DPP10: variants seen among roughly 807,000 people sequenced by gnomAD.
DPP10 encodes dipeptidyl peptidase like 10, also known as inactive dipeptidyl peptidase 10.
DPP10 carries 33 observed loss-of-function variants against 120.9 expected under a neutral mutation model. The ratio of observed to expected loss-of-function variants is 0.27; its 90% CI spans 0.21 to 0.37. The LOEUF (loss-of-function observed/expected upper bound fraction) is 0.37, where lower values mean the gene tolerates loss of function less well. DPP10 is among the 10% of genes least tolerant of loss of function. The pLI, the probability that DPP10 is intolerant of heterozygous loss-of-function variation, is 1.00. For missense variants in DPP10, 816 were observed against 942.8 expected, an observed-to-expected ratio of 0.87 and a Z score of 1.76; for synonymous variants, 337 against 326.1, an observed-to-expected ratio of 1.03 and a Z score of -0.36.
chr2:115,232,334 A>C (rs975500645), intron 1 of DPP10, among the ~76,000 whole-genome samples: 49 of 152,198 alleles, frequency 3.2e-4, no homozygotes, highest in African/African-American at 1.1e-3. Flanking sequence ...GAAAAAAAAA[A>C]AGGTTTTTAG....
intron 5 of DPP10, among the ~76,000 whole-genome samples, chr2:115,649,028 T>C (rs989082623): frequency 5.3e-5 from 8 of 152,038 alleles, no homozygotes; most frequent in African/African-American, 1.9e-4. Flanking sequence ...ACTTTCATTA[T>C]CCTCTTTAAA....
At chr2:115,686,084 C>T (rs2090971979) in intron 5 of DPP10, among the ~76,000 whole-genome samples, 1 of 151,972 alleles carries the variant, frequency 6.6e-6, no homozygotes, top group African/African-American at 2.4e-5. Flanking sequence ...CTGTGCCTTC[C>T]TGTTTCAGCT....
intron 1 of DPP10, among the ~76,000 whole-genome samples, chr2:114,545,212 T>A (rs1687294902): frequency 6.6e-6 from 1 of 151,762 alleles, no homozygotes; most frequent in African/African-American, 2.4e-5. Flanking sequence ...ATTAAATCAT[T>A]AAATAATTGA....
intron 1 of DPP10, among the ~76,000 whole-genome samples, chr2:115,170,043 A>T (rs1212887621): frequency 6.6e-6 from 1 of 152,172 alleles, no homozygotes; most frequent in African/African-American, 2.4e-5. Context: ...CTGCCCTGTG[A>T]TTTATTTTCA....
At chr2:115,799,863 A>G (rs1473205107) in intron 19 of DPP10, among the ~76,000 whole-genome samples, 1 of 151,654 alleles carries the variant, frequency 6.6e-6, no homozygotes, top group Admixed American at 6.6e-5. Flanking sequence ...GTTCCAAGTC[A>G]TTGCTATTGT....
At chr2:115,784,629 G>T (rs980160918) in intron 17 of DPP10, among the ~76,000 whole-genome samples, 2 of 152,068 alleles carry the variant, frequency 1.3e-5, no homozygotes, top group Non-Finnish European at 2.9e-5. Flanking sequence ...CACCTCCCAG[G>T]TTCAAGCAAT....
At chr2:114,942,387 A>G (rs1697019615) in intron 1 of DPP10, among the ~76,000 whole-genome samples, 1 of 82,752 alleles carries the variant, frequency 1.2e-5, no homozygotes, top group Admixed American at 1.3e-4. Flanking sequence ...ACATATATAT[A>G]TATACACACA....
intron 1 of DPP10, among the ~76,000 whole-genome samples, chr2:114,759,329 A>G (rs1680072949): frequency 6.6e-6 from 1 of 152,220 alleles, no homozygotes; most frequent in Non-Finnish European, 1.5e-5. Flanking sequence ...TGGCATTTGT[A>G]TCAGTTGGCA....
In DPP10 at chr2:115,575,076, C is replaced by T. The variant is rs187922520; in HGVS notation, c.441+49104C>T. On this transcript the variant is annotated intron_variant, in intron 5 of 25. Coordinates refer to ENST00000410059, the MANE Select transcript of DPP10 (RefSeq NM_020868.6). ...TCAACATTACCTTCCTGTGATTGAC[C>T]ATACATTTAGAAGAATCCTTCAGTT... 1.0e-3 allele frequency among the ~76,000 whole-genome samples: 153 copies of T among 152,216 alleles called. No homozygotes were observed. The Middle Eastern group carries it at 0.01, about 10-fold the overall frequency.
At chr2:114,988,973 A>G (rs1216618088) in intron 1 of DPP10, among the ~76,000 whole-genome samples, 2 of 152,186 alleles carry the variant, frequency 1.3e-5, no homozygotes, top group Middle Eastern at 3.2e-3. Flanking sequence ...GGGGAAATAC[A>G]ATGAAAACAC....
intron 4 of DPP10, among the ~76,000 whole-genome samples, chr2:115,511,218 G>A (rs536468586): frequency 6.6e-6 from 1 of 151,978 alleles, no homozygotes; most frequent in African/African-American, 2.4e-5. Context: ...TATGGCCTAG[G>A]CTTCTTTTTC....
intron 5 of DPP10, among the ~76,000 whole-genome samples, chr2:115,556,424 C>T (rs1422008324): frequency 6.7e-6 from 1 of 148,420 alleles, no homozygotes; most frequent in African/African-American, 2.5e-5. Flanking sequence ...TATGTGTGGC[C>T]CAAGGCAATT....
intron 1 of DPP10, among the ~76,000 whole-genome samples, chr2:115,128,619 T>C (rs1350790199): frequency 2.0e-5 from 3 of 152,238 alleles, no homozygotes; most frequent in African/African-American, 7.2e-5. Flanking sequence ...TCTCAGACCA[T>C]TAGAACATGT....
intron 1 of DPP10, among the ~76,000 whole-genome samples, chr2:114,631,166 A>G (rs1284180950): frequency 3.9e-5 from 6 of 152,126 alleles, no homozygotes; most frequent in Non-Finnish European, 5.9e-5. Context: ...AGGGGGTGAG[A>G]AAACCTCAAC....
At chr2:114,563,477 T>TG (rs1350867576) in intron 1 of DPP10, among the ~76,000 whole-genome samples, 2 of 152,116 alleles carry the variant, frequency 1.3e-5, no homozygotes, top group Non-Finnish European at 1.5e-5. Flanking sequence ...GACCGAGGAA[T>TG]GGGCATGCCT....
At chr2:114,760,308 C>T (rs910749926) in intron 1 of DPP10, among the ~76,000 whole-genome samples, 3 of 152,152 alleles carry the variant, frequency 2.0e-5, no homozygotes, top group Non-Finnish European at 2.9e-5. Context: ...AGCGCACCCT[C>T]CCTTTGGCGT....
chr2:114,933,612 T>C (rs1696242985), intron 1 of DPP10, among the ~76,000 whole-genome samples: 1 of 151,824 alleles, frequency 6.6e-6, no homozygotes. Flanking sequence ...TTTGCAAGAG[T>C]AGAAGAAAGA....
At chr2:115,375,704 A>G (rs142251103) in intron 3 of DPP10, among the ~76,000 whole-genome samples, 214 of 152,298 alleles carry the variant, frequency 1.4e-3, no homozygotes, top group African/African-American at 4.9e-3. Context: ...GCTTAACACA[A>G]ATCATGACTG....
chr2:115,366,485 A>T (rs541937842), intron 3 of DPP10, among the ~76,000 whole-genome samples: 1 of 152,070 alleles, frequency 6.6e-6, no homozygotes, highest in Non-Finnish European at 1.5e-5. Flanking sequence ...ATTGCTATGT[A>T]TGTCTTTAAG....
Sources: allele counts gnomAD v4.1 joint callset (sites outside exome capture counted in the v4.1 genomes callset), GRCh38; gene constraint gnomAD v4.1.1; transcripts MANE v1.5; gene names NCBI Gene and HGNC (gene_info 2026-07-23, HGNC 2026-07-21).